LHFPL3: variants seen among roughly 807,000 people sequenced by gnomAD.
The protein encoded by LHFPL3 is LHFPL tetraspan subfamily member 3 protein.
In LHFPL3, 5 loss-of-function variants were observed where a neutral mutation model predicts 19.3. The ratio of observed to expected loss-of-function variants is 0.26; its 90% CI spans 0.14 to 0.54. The LOEUF (loss-of-function observed/expected upper bound fraction) is 0.54. LHFPL3 is among the 20% of genes least tolerant of loss of function. The pLI, the probability that LHFPL3 is intolerant of heterozygous loss-of-function variation, is 0.94. For missense variants in LHFPL3, 249 were observed against 307.4 expected, an observed-to-expected ratio of 0.81 and a Z score of 1.42; for synonymous variants, 133 against 126.2, an observed-to-expected ratio of 1.05 and a Z score of -0.36.
intron 1 of LHFPL3, among the ~76,000 whole-genome samples, chr7:104,412,929 G>GT (rs1412690800): frequency 6.6e-6 from 1 of 152,138 alleles, no homozygotes; most frequent in Non-Finnish European, 1.5e-5. Context: ...TAGCATGCCT[G>GT]TTTACAAGGA....
intron 1 of LHFPL3, among the ~76,000 whole-genome samples, chr7:104,367,993 A>T (rs1468142): frequency 0.11 from 16,997 of 152,212 alleles, 1,102 homozygotes; most frequent in African/African-American, 0.15. Flanking sequence ...TGTCATTGCA[A>T]TTCTTTGGCT....
At chr7:104,409,304 CTG>C (rs59285167) in intron 1 of LHFPL3, among the ~76,000 whole-genome samples, 45,458 of 148,570 alleles carry the variant, frequency 0.31, 6,907 homozygotes, top group East Asian at 0.42. Flanking sequence ...CTTATGTGTG[CTG>C]TGTGTGTGTG....
At chr7:104,834,651 G>C (rs982143143) in intron 2 of LHFPL3, among the ~76,000 whole-genome samples, 1 of 151,982 alleles carries the variant, frequency 6.6e-6, no homozygotes, top group African/African-American at 2.4e-5. Context: ...GAAGACATAC[G>C]CCCAAAGCCA....
chr7:104,831,229 T>TAAAA lies in LHFPL3; in HGVS notation c.683-74957_683-74954dup, dbSNP rs10644867. ...CGTCAAGCTGCACTTTTATTCTTAA[T>TAAAA]AAAATGTTATATATGCATAATATGA... On this transcript the variant is annotated intron_variant, in intron 2 of 2. Coordinates refer to ENST00000424859, the MANE Select transcript of LHFPL3 (RefSeq NM_199000.3). Among the ~76,000 whole-genome samples the TAAAA allele has an allele frequency of 1.0e-3, 156 of 151,906 alleles. 5 individuals are homozygous for TAAAA. The highest frequency in any genetic ancestry group is 3.6e-3 in the African/African-American group (150 of 41,194).
At chr7:104,703,675 A>C (rs1793140565) in intron 1 of LHFPL3, among the ~76,000 whole-genome samples, 1 of 152,234 alleles carries the variant, frequency 6.6e-6, no homozygotes, top group East Asian at 1.9e-4. Flanking sequence ...ACTGAATATG[A>C]CAATGTATTT....
chr7:104,814,692 C>T (rs1790531564), intron 2 of LHFPL3, among the ~76,000 whole-genome samples: 1 of 152,190 alleles, frequency 6.6e-6, no homozygotes, highest in Non-Finnish European at 1.5e-5. Context: ...ACCAAGCTTC[C>T]CTCATCTCAC....
intron 1 of LHFPL3, among the ~76,000 whole-genome samples, chr7:104,509,693 T>C (rs1793773057): frequency 6.6e-6 from 1 of 152,062 alleles, no homozygotes; most frequent in African/African-American, 2.4e-5. Context: ...GGATGTCTAC[T>C]CTCACCACCC....
At chr7:104,366,642 T>C (rs2116421202) in intron 1 of LHFPL3, among the ~76,000 whole-genome samples, 1 of 152,344 alleles carries the variant, frequency 6.6e-6, no homozygotes, top group African/African-American at 2.4e-5. Flanking sequence ...TCCCTAACTG[T>C]TGCCAGCTGT....
intron 1 of LHFPL3, among the ~76,000 whole-genome samples, chr7:104,517,908 C>T (rs1194602602): frequency 2.0e-5 from 3 of 151,960 alleles, no homozygotes; most frequent in African/African-American, 4.8e-5. Flanking sequence ...GGAGAAATAC[C>T]TAATGTAGGT....
At chr7:104,385,577 G>C (rs1364545279) in intron 1 of LHFPL3, among the ~76,000 whole-genome samples, 1 of 152,144 alleles carries the variant, frequency 6.6e-6, no homozygotes, top group Non-Finnish European at 1.5e-5. Flanking sequence ...GTCTCTCTTG[G>C]TGACACCTGA....
At chr7:104,437,944 T>C (rs1313482059) in intron 1 of LHFPL3, among the ~76,000 whole-genome samples, 1 of 152,230 alleles carries the variant, frequency 6.6e-6, no homozygotes, top group African/African-American at 2.4e-5. Flanking sequence ...CTAAAAGTTC[T>C]AAACCTTTAA....
Position 104,345,609 on chromosome 7 carries a change from A to G in LHFPL3, c.445+16385A>G, listed in dbSNP as rs191504784. Among the ~76,000 whole-genome samples the G allele has an allele frequency of 4.8e-3, 737 of 152,308 alleles. 4 individuals carry two copies. Among genetic ancestry groups the G allele is most frequent in the African/African-American group, 0.016 (675 of 41,572 alleles). Reference sequence around the variant, plus strand: ...ATGTTCATTATAAAAAGCTCAAGTTACTTGTTAAAATATTTACAAATATTT... The same window carrying G: ...ATGTTCATTATAAAAAGCTCAAGTTGCTTGTTAAAATATTTACAAATATTT... On this transcript the variant is annotated intron_variant, in intron 1 of 2. Coordinates refer to ENST00000424859, the MANE Select transcript of LHFPL3 (RefSeq NM_199000.3).
intron 2 of LHFPL3, among the ~76,000 whole-genome samples, chr7:104,887,002 G>A (rs1792162838): frequency 6.6e-6 from 1 of 152,176 alleles, no homozygotes; most frequent in Admixed American, 6.5e-5. Flanking sequence ...ATTTAACTGT[G>A]GATTTGGAAA....
intron 1 of LHFPL3, among the ~76,000 whole-genome samples, chr7:104,580,239 A>AT (rs778739437): frequency 6.6e-6 from 1 of 152,142 alleles, no homozygotes; most frequent in Non-Finnish European, 1.5e-5. Context: ...GATGTATGTA[A>AT]TTACTGTGAC....
At chr7:104,531,969 C>T (rs1412201418) in intron 1 of LHFPL3, among the ~76,000 whole-genome samples, 1 of 152,142 alleles carries the variant, frequency 6.6e-6, no homozygotes, top group African/African-American at 2.4e-5. Flanking sequence ...GAAGCCATGT[C>T]AAGGCTGGGT....
intron 2 of LHFPL3, among the ~76,000 whole-genome samples, chr7:104,901,990 C>G (rs565030249): frequency 6.6e-6 from 1 of 152,308 alleles, no homozygotes; most frequent in Admixed American, 6.5e-5. Context: ...ACTGGCTTCA[C>G]ACTTTCATTT....
chr7:104,823,117 G>C (rs1790708628), intron 2 of LHFPL3, among the ~76,000 whole-genome samples: 1 of 152,184 alleles, frequency 6.6e-6, no homozygotes, highest in South Asian at 2.1e-4. Context: ...ATGGAACACA[G>C]GGAAGGCCCG....
chr7:104,473,127 C>T lies in LHFPL3; in HGVS notation c.445+143903C>T, dbSNP rs537420607. 5.3e-5 allele frequency among the ~76,000 whole-genome samples: 8 copies of T among 152,324 alleles called. 1 individual carries two copies. Among genetic ancestry groups the T allele is most frequent in the African/African-American group, 1.9e-4 (8 of 41,576 alleles). Reference sequence around the variant, plus strand: ...AACAAATGGCTCAGCATTACACTGACATATTCTATGAAATATAAATCCTAC... The same window carrying T: ...AACAAATGGCTCAGCATTACACTGATATATTCTATGAAATATAAATCCTAC... On this transcript the variant is annotated intron_variant, in intron 1 of 2. Transcript: ENST00000424859.
At chr7:104,739,149 A>G (rs961888040) in intron 2 of LHFPL3, among the ~76,000 whole-genome samples, 1 of 149,326 alleles carries the variant, frequency 6.7e-6, no homozygotes, top group Non-Finnish European at 1.5e-5. Flanking sequence ...CCCTCATGCA[A>G]TGGGATCTAT....
Sources: allele counts gnomAD v4.1 joint callset (sites outside exome capture counted in the v4.1 genomes callset), GRCh38; gene constraint gnomAD v4.1.1; transcripts MANE v1.5; gene names NCBI Gene and HGNC (gene_info 2026-07-23, HGNC 2026-07-21).